Variants in MACROD2 observed in about 807,000 individuals in gnomAD.
MACROD2 encodes the protein ADP-ribose glycohydrolase MACROD2.
Under a neutral mutation model 70.4 loss-of-function variants are expected in MACROD2, and 36 were observed. That is an observed-to-expected ratio of 0.51 (90% CI 0.39 to 0.68). The LOEUF (loss-of-function observed/expected upper bound fraction) is 0.68. Ranked by LOEUF, MACROD2 falls within the 30% of genes least tolerant of loss-of-function variation. The pLI, the probability that MACROD2 is intolerant of heterozygous loss-of-function variation, is 0.00. For synonymous variants in MACROD2, 172 were observed against 178.8 expected (o/e 0.96, Z 0.30); for missense variants, 496 against 538.4 (o/e 0.92, Z 0.78).
intron 3 of MACROD2, among the ~76,000 whole-genome samples, chr20:14,489,312 C>T (rs984983578): frequency 2.0e-5 from 3 of 152,158 alleles, no homozygotes; most frequent in Admixed American, 6.5e-5. Context: ...TATTTGTCTG[C>T]GTAGATTGTA....
intron 2 of MACROD2, among the ~76,000 whole-genome samples, chr20:14,029,873 T>C (rs1054409963): frequency 1.3e-5 from 2 of 152,208 alleles, no homozygotes; most frequent in African/African-American, 4.8e-5. Flanking sequence ...TGGAACACCA[T>C]TGAGTTTCTT....
Position 14,273,095 on chromosome 20 carries a change from A to G in MACROD2, c.271+187367A>G, listed in dbSNP as rs552619207. On this transcript the variant is annotated intron_variant, in intron 3 of 17. Coordinates refer to ENST00000684519, the MANE Select transcript of MACROD2 (RefSeq NM_001351661.2). Reference sequence around the variant, plus strand: ...CATTAGACAGATCAATGAGACAGAAAGTTAACAAGAATACCCAGGAATTGA... The same window carrying G: ...CATTAGACAGATCAATGAGACAGAAGGTTAACAAGAATACCCAGGAATTGA... 9.2e-5 allele frequency among the ~76,000 whole-genome samples: 14 copies of G among 152,174 alleles called. No homozygotes were observed. The East Asian group carries it at 2.7e-3, about 29-fold the overall frequency.
In MACROD2 at chr20:15,221,638, G is replaced by T. The variant is rs191236995; in HGVS notation, c.419-8302G>T. ...CAAGGTCAGTCTCAAATAGATTTGT[G>T]CAGGAAAGGGAGAGCTGATAAAAAA... On this transcript the variant is annotated intron_variant, in intron 5 of 17. Coordinates refer to ENST00000684519, the MANE Select transcript of MACROD2 (RefSeq NM_001351661.2). Among the ~76,000 whole-genome samples the T allele has an allele frequency of 9.3e-4, 141 of 152,310 alleles. 1 individual carries two copies. The highest frequency in any genetic ancestry group is 3.4e-3 in the Middle Eastern group (1 of 294).
intron 10 of MACROD2, among the ~76,000 whole-genome samples, chr20:15,906,113 G>A (rs370513407): frequency 6.6e-6 from 1 of 152,336 alleles, no homozygotes; most frequent in East Asian, 1.9e-4. Context: ...GGGAAGGGGA[G>A]ACTGGCTGTA....
At chr20:15,495,330 T>A (rs1039553125) in intron 7 of MACROD2, among the ~76,000 whole-genome samples, 1 of 152,230 alleles carries the variant, frequency 6.6e-6, no homozygotes, top group Non-Finnish European at 1.5e-5. Flanking sequence ...TTACCTTGTA[T>A]ATCCATGTCC....
intron 8 of MACROD2, among the ~76,000 whole-genome samples, chr20:15,813,949 T>C (rs2063846663): frequency 6.6e-6 from 1 of 152,220 alleles, no homozygotes; most frequent in Non-Finnish European, 1.5e-5. Context: ...ATGTTCATGT[T>C]GTTTTTGGAA....
intron 7 of MACROD2, among the ~76,000 whole-genome samples, chr20:15,484,496 T>A (rs1364465942): frequency 6.6e-6 from 1 of 152,172 alleles, no homozygotes; most frequent in Non-Finnish European, 1.5e-5. Context: ...TCTGGAAGGC[T>A]AGAGTGGGCT....
intron 6 of MACROD2, among the ~76,000 whole-genome samples, chr20:15,423,472 A>C (rs2046256737): frequency 6.6e-6 from 1 of 152,132 alleles, no homozygotes; most frequent in Non-Finnish European, 1.5e-5. Context: ...GCTATAACAA[A>C]TACCATAGTC....
At chr20:15,570,755 A>G (rs1171379112) in intron 8 of MACROD2, among the ~76,000 whole-genome samples, 1 of 152,202 alleles carries the variant, frequency 6.6e-6, no homozygotes, top group Non-Finnish European at 1.5e-5. Flanking sequence ...AAAAATCCTC[A>G]GATTCACTCG....
intron 3 of MACROD2, among the ~76,000 whole-genome samples, chr20:14,242,131 A>T (rs2081934865): frequency 2.0e-5 from 3 of 152,162 alleles, no homozygotes; most frequent in African/African-American, 4.8e-5. Context: ...GGGTTATTCA[A>T]AATAACATGT....
At chr20:14,558,798 A>C (rs556865327) in intron 4 of MACROD2, among the ~76,000 whole-genome samples, 1 of 151,918 alleles carries the variant, frequency 6.6e-6, no homozygotes, top group South Asian at 2.1e-4. Context: ...ACTAAGTTTC[A>C]TTCCTGAAAG....
At chr20:14,890,735 A>T (rs1044546131) in intron 5 of MACROD2, among the ~76,000 whole-genome samples, 1 of 151,232 alleles carries the variant, frequency 6.6e-6, no homozygotes, top group Non-Finnish European at 1.5e-5. Flanking sequence ...CCAGGCTACA[A>T]AATAAGGCCC....
At chr20:15,367,941 T>C (rs1026040259) in intron 6 of MACROD2, among the ~76,000 whole-genome samples, 1 of 152,164 alleles carries the variant, frequency 6.6e-6, no homozygotes, top group Admixed American at 6.5e-5. Flanking sequence ...TTTTCTAAAA[T>C]GTCCTATTAG....
chr20:14,334,173 G>T (rs1338465984), intron 3 of MACROD2, among the ~76,000 whole-genome samples: 1 of 152,032 alleles, frequency 6.6e-6, no homozygotes, highest in Non-Finnish European at 1.5e-5. Flanking sequence ...TTTTCTCTGG[G>T]GTTTTCGTAA....
intron 3 of MACROD2, among the ~76,000 whole-genome samples, chr20:14,426,952 G>C (rs920499565): frequency 2.6e-5 from 4 of 152,016 alleles, no homozygotes; most frequent in African/African-American, 9.7e-5. Context: ...ATATCCACCT[G>C]CTTCTTAGAT....
chr20:14,566,855 G>A (rs2123307822), intron 4 of MACROD2: 1 of 151,690 alleles, frequency 6.6e-6, no homozygotes, highest in East Asian at 2.0e-4. Context: ...TAGGAACATA[G>A]GAATTCTAAT....
chr20:14,397,861 T>C (rs1023970040), intron 3 of MACROD2, among the ~76,000 whole-genome samples: 2 of 152,168 alleles, frequency 1.3e-5, no homozygotes, highest in African/African-American at 2.4e-5. Flanking sequence ...TTTATATCTA[T>C]TAATAAAACT....
rs6033947 is a variant in MACROD2 at position 14,351,269 on chromosome 20, A to T, written c.272-142210A>T. 9.3e-3 allele frequency among the ~76,000 whole-genome samples: 1,403 copies of T among 151,312 alleles called. 16 individuals are homozygous for T. Among genetic ancestry groups the T allele is most frequent in the African/African-American group, 0.032 (1,327 of 41,286 alleles). ...GTTGTTGTTCCACATAATTTTTTTT[A>T]AATTTCTGTGAAGATTGTCATTGGT... On this transcript the variant is annotated intron_variant, in intron 3 of 17. Transcript: ENST00000684519.
chr20:15,010,447 G>A (rs561131175), intron 5 of MACROD2, among the ~76,000 whole-genome samples: 6 of 152,278 alleles, frequency 3.9e-5, no homozygotes, highest in South Asian at 2.1e-4. Flanking sequence ...CACTATAGCC[G>A]TGGTAGGCAC....
Sources: allele counts gnomAD v4.1 joint callset (sites outside exome capture counted in the v4.1 genomes callset), GRCh38; gene constraint gnomAD v4.1.1; transcripts MANE v1.5; gene names NCBI Gene and HGNC (gene_info 2026-07-23, HGNC 2026-07-21).